ANK2: variants seen among roughly 807,000 people sequenced by gnomAD.
The protein encoded by ANK2 is ankyrin 2, also known as ankyrin-2.
Under a neutral mutation model 360.5 loss-of-function variants are expected in ANK2, and 83 were observed. The observed-to-expected ratio is 0.23, with a 90% CI of 0.19 to 0.28. The LOEUF is 0.28. ANK2 is among the 10% of genes least tolerant of loss of function. The pLI is 1.00. For synonymous variants in ANK2, 1,740 were observed against 1,759.5 expected (o/e 0.99, Z 0.28); for missense variants, 4,201 against 4,795.7 (o/e 0.88, Z 3.66).
chr4:112,973,827 T>C (rs2040436889), intron 2 of ANK2, among the ~76,000 whole-genome samples: 1 of 152,200 alleles, frequency 6.6e-6, no homozygotes, highest in Non-Finnish European at 1.5e-5. Flanking sequence ...GCCACTGCAT[T>C]GTTGTTAGGG....
At chr4:112,855,578 T>C (rs954009601) in intron 1 of ANK2, among the ~76,000 whole-genome samples, 47 of 152,228 alleles carry the variant, frequency 3.1e-4, no homozygotes, top group Non-Finnish European at 8.8e-5. Context: ...ATACCTGTAA[T>C]GATAGTAACT....
intron 32 of ANK2, among the ~76,000 whole-genome samples, chr4:113,340,567 A>G (rs1463214416): frequency 6.6e-6 from 1 of 152,090 alleles, no homozygotes; most frequent in Admixed American, 6.6e-5. Context: ...ATGGTGGCAC[A>G]CACCTGTAGT....
At chr4:112,890,018 A>G (rs1183412072) in intron 1 of ANK2, among the ~76,000 whole-genome samples, 1 of 152,230 alleles carries the variant, frequency 6.6e-6, no homozygotes, top group Non-Finnish European at 1.5e-5. Context: ...ATGTCTAGCA[A>G]AGACATGCTA....
intron 1 of ANK2, among the ~76,000 whole-genome samples, chr4:113,155,648 T>C (rs2097259245): frequency 6.6e-6 from 1 of 152,114 alleles, no homozygotes; most frequent in Non-Finnish European, 1.5e-5. Context: ...GACTTCAGGG[T>C]TGGAAAGCAT....
intron 7 of ANK2, among the ~76,000 whole-genome samples, chr4:113,239,516 C>G (rs1430077135): frequency 1.3e-5 from 2 of 151,960 alleles, no homozygotes; most frequent in Non-Finnish European, 2.9e-5. Context: ...TCTATTTTTC[C>G]CATAATCTTT....
Position 113,355,358 on chromosome 4 carries a change from T to C in ANK2, c.6740T>C (p.Leu2247Pro). 6.2e-7 allele frequency: 1 copy of C among 1,613,988 alleles called. No homozygotes were observed. The highest frequency in any genetic ancestry group is 8.5e-7 in the Non-Finnish European group (1 of 1,179,986). The change falls in exon 38 of 46, where the codon CTT becomes CCT. Residue 2247 changes from leucine (L) to proline (P), a missense_variant. This residue lies in a region of ANK2 where 2,642 missense variants were observed against 2,714.5 expected (regional missense o/e 0.97). Coordinates refer to ENST00000357077, the MANE Select transcript of ANK2 (RefSeq NM_001148.6). Reference sequence around the variant, plus strand: ...ACCCCTGAGACGAGCCCAGAAAGCCTTTCTTTCTCACCAAAGAAAAGTGAG... The same window carrying C: ...ACCCCTGAGACGAGCCCAGAAAGCCCTTCTTTCTCACCAAAGAAAAGTGAG... ...AETPETSPES[L>P]SFSPKKSEEQ...
intron 13 of ANK2, among the ~76,000 whole-genome samples, chr4:113,259,492 GTTTCTGA>G (rs1225165714): frequency 6.6e-6 from 1 of 152,046 alleles, no homozygotes; most frequent in Non-Finnish European, 1.5e-5. Flanking sequence ...CCACAGTGAA[GTTTCTGA>G]TGGCTAGGAA....
At chr4:113,170,270 T>A (rs1325103582) in intron 1 of ANK2, among the ~76,000 whole-genome samples, 2 of 152,316 alleles carry the variant, frequency 1.3e-5, no homozygotes, top group Non-Finnish European at 2.9e-5. Flanking sequence ...TCAGTGCACG[T>A]TGGACTATAT....
intron 1 of ANK2, among the ~76,000 whole-genome samples, chr4:113,173,601 A>T (rs2098078749): frequency 6.6e-6 from 1 of 152,144 alleles, no homozygotes; most frequent in African/African-American, 2.4e-5. Flanking sequence ...GGGCCGTGTG[A>T]TTGTAACTGT....
Position 113,341,507 on chromosome 4 carries a change from C to G in ANK2, c.3894-181C>G, listed in dbSNP as rs36095372. On this transcript the variant is annotated intron_variant, in intron 32 of 45. Coordinates refer to ENST00000357077, the MANE Select transcript of ANK2 (RefSeq NM_001148.6). ...TCTGCTTTCCCTTCTTTCCTCCTACCTTTCCTTTTGTTCCTGTCTTGCTAT... is the reference window on the plus strand; with the variant it reads ...TCTGCTTTCCCTTCTTTCCTCCTACGTTTCCTTTTGTTCCTGTCTTGCTAT... 0.036 allele frequency among the ~76,000 whole-genome samples: 5,420 copies of G among 152,138 alleles called. 150 individuals carry two copies. The highest frequency in any genetic ancestry group is 0.059 in the Non-Finnish European group (4,005 of 67,984).
At chr4:113,136,610 G>C (rs1362468187) in intron 1 of ANK2, among the ~76,000 whole-genome samples, 1 of 152,096 alleles carries the variant, frequency 6.6e-6, no homozygotes, top group African/African-American at 2.4e-5. Flanking sequence ...TGAGCCGGGG[G>C]AGGTGGAGGT....
At chr4:113,069,631 TC>T (rs2076845918) in intron 1 of ANK2, among the ~76,000 whole-genome samples, 1 of 152,210 alleles carries the variant, frequency 6.6e-6, no homozygotes, top group African/African-American at 2.4e-5. Context: ...GCTGCTCATC[TC>T]TTTATTGCAC....
rs762973067 is a variant in ANK2 at position 113,049,819 on chromosome 4, C to A, written c.84+7C>A. On this transcript the variant is annotated splice_region_variant and intron_variant, in intron 1 of 45. Coordinates refer to ENST00000357077, the MANE Select transcript of ANK2 (RefSeq NM_001148.6). ...GAGAAAAAGACCCAAGAAGGTAAAT[C>A]GCCGGAATTAGGAATGTCTGTGTAT... 8.1e-6 allele frequency: 13 copies of A among 1,613,408 alleles called. No individual in the cohort carries two copies. Among genetic ancestry groups the A allele is most frequent in the South Asian group, 1.1e-5 (1 of 91,006 alleles).
the ANK2 span, among the ~76,000 whole-genome samples, chr4:112,731,764 T>C: frequency 1.3e-5 from 2 of 152,054 alleles, no homozygotes; most frequent in Non-Finnish European, 1.5e-5. Context: ...TAGTAACTAA[T>C]ATCTACATGT....
At chr4:113,330,034 T>A (rs1411379758) in intron 26 of ANK2, among the ~76,000 whole-genome samples, 1 of 152,166 alleles carries the variant, frequency 6.6e-6, no homozygotes, top group Non-Finnish European at 1.5e-5. Flanking sequence ...CTTTACAGAT[T>A]AAAATAATAT....
intron 18 of ANK2, among the ~76,000 whole-genome samples, chr4:113,284,078 T>C (rs29367): frequency 0.48 from 72,709 of 152,000 alleles, 18,717 homozygotes; most frequent in South Asian, 0.61. Flanking sequence ...CCACAAATCC[T>C]TTTTTAAAGC....
chr4:113,177,024 C>G (rs1469036162), intron 2 of ANK2, among the ~76,000 whole-genome samples: 1 of 152,156 alleles, frequency 6.6e-6, no homozygotes, highest in Non-Finnish European at 1.5e-5. Context: ...TTAATCCAGT[C>G]TATCATTGAT....
At chr4:113,293,339 G>T (rs2068881428) in intron 21 of ANK2, 101 bp from the exon 22 acceptor site, 1 of 1,028,018 alleles carries the variant, frequency 9.7e-7, no homozygotes, top group Non-Finnish European at 1.5e-6. Context: ...CCTTGTTTTG[G>T]AAGGAAATGC....
the ANK2 span, among the ~76,000 whole-genome samples, chr4:112,773,810 T>A: frequency 6.6e-6 from 1 of 152,178 alleles, no homozygotes; most frequent in African/African-American, 2.4e-5. Flanking sequence ...TTAATTAATT[T>A]ATTTTTTTGA....
Sources: allele counts gnomAD v4.1 joint callset (sites outside exome capture counted in the v4.1 genomes callset), GRCh38; gene constraint gnomAD v4.1.1; regional missense constraint gnomAD v4.1.1; transcripts MANE v1.5; gene names NCBI Gene and HGNC (gene_info 2026-07-23, HGNC 2026-07-21).